Variants in DUS1L observed in about 807,000 individuals in gnomAD.
The protein encoded by DUS1L is dihydrouridine synthase 1 like, also known as tRNA-dihydrouridine(16/17) synthase [NAD(P)(+)]-like.
Under a neutral mutation model 61.2 loss-of-function variants are expected in DUS1L, and 56 were observed. The ratio of observed to expected loss-of-function variants is 0.92; its 90% CI spans 0.74 to 1.14. DUS1L has a LOEUF of 1.14. Ranked by LOEUF, DUS1L falls within the 50% of genes most tolerant of loss-of-function variation. The pLI, the probability that DUS1L is intolerant of heterozygous loss-of-function variation, is 0.00. For synonymous variants in DUS1L, 278 were observed against 259.5 expected (o/e 1.07, Z -0.69); for missense variants, 630 against 632.4 (o/e 1.00, Z 0.04).
At chr17:82,058,600 C>T (rs915627463) in intron 12 of DUS1L, 181 bp downstream of exon 12, 2 of 1,471,764 alleles carry the variant, frequency 1.4e-6, no homozygotes, top group South Asian at 2.7e-5. Flanking sequence ...CTCTTCCCCT[C>T]CAGGCCTGGG....
chr17:82,058,362 T>G lies in DUS1L; in HGVS notation c.1261A>C (p.Lys421Gln), dbSNP rs777832090. 1.3e-6 allele frequency: 2 copies of G among 1,493,310 alleles called. No individual in the cohort carries two copies. The highest frequency in any genetic ancestry group is 1.8e-6 in the Non-Finnish European group (2 of 1,119,036). The allele number at this position is 1,493,310 out of a possible 1,614,324, so 92.5% of individuals were successfully genotyped here. Reference protein sequence around the residue: ...CRGCCKKRASKETADCPGHGL... With the variant: ...CRGCCKKRASQETADCPGHGL... ...TCACCTGGGCAGTCTGCAGTCTCTT[T>G]GGAGGCTCGCTTCTTGCAGCAGCCG... The change falls in exon 13 of 14, where the codon AAA (lysine) becomes CAA (glutamine). Residue 421 changes from lysine to glutamine, a missense_variant. Lys to Gln is a moderately conservative substitution (Grantham distance 53). Transcript: ENST00000306796.
chr17:82,061,752 G>A (rs750877749), intron 6 of DUS1L, 31 bp from the exon 7 acceptor site: 80 of 1,609,108 alleles, frequency 5.0e-5, no homozygotes, highest in South Asian at 1.9e-4. Flanking sequence ...GTTTCCACCC[G>A]CCCGGAACAG....
intron 6 of DUS1L, 80 bp downstream of exon 6, chr17:82,061,821 G>A: frequency 6.3e-7 from 1 of 1,590,758 alleles, no homozygotes. Flanking sequence ...CGTCAGGCGT[G>A]CCGAGCACCC....
chr17:82,065,523 G>T (rs1006139631), intron 1 of DUS1L, 90 bp downstream of exon 1: 1 of 157,376 alleles, frequency 6.4e-6, no homozygotes, highest in African/African-American at 2.4e-5. Context: ...ACGCCACAGG[G>T]GCGCCCCTCG....
chr17:82,061,345 G>T lies in DUS1L; in HGVS notation c.706C>A (p.Leu236Met), dbSNP rs764653880. ...VQGVMSAEGN[L>M]HNPALFEGRS... ...CCCTCGAACAGGGCGGGGTTGTGCA[G>T]GTTGCCCTCTGTGGGAGGAGGAGCG... The change falls in exon 8 of 14, where the codon CTG (leucine) becomes ATG (methionine). Residue 236 changes from leucine (L) to methionine (M), a missense_variant. Leu to Met is a conservative substitution (Grantham distance 15). Coordinates refer to ENST00000306796, the MANE Select transcript of DUS1L (RefSeq NM_022156.5). The T allele has an allele frequency of 6.3e-7, 1 of 1,576,004 alleles. No homozygotes were observed. Among genetic ancestry groups the T allele is most frequent in the Non-Finnish European group, 8.6e-7 (1 of 1,158,608 alleles).
rs111771546 is a variant in DUS1L, at chr17:82,062,226, G to A, written c.511-243C>T. Among the ~76,000 whole-genome samples the A allele has an allele frequency of 1.9e-3, 285 of 152,326 alleles. 2 individuals are homozygous for A. The highest frequency in any genetic ancestry group is 6.5e-3 in the African/African-American group (270 of 41,568). On this transcript the variant is annotated intron_variant, in intron 5 of 13. Coordinates refer to ENST00000306796, the MANE Select transcript of DUS1L (RefSeq NM_022156.5). ...CCTCTGCACTCTGTGGGAACCTCAG[G>A]CTGCATGTGCTGCCCAGGCCCATGC...
At chr17:82,060,203 C>G in intron 10 of DUS1L, 110 bp from the exon 11 acceptor site, 1 of 1,410,120 alleles carries the variant, frequency 7.1e-7, no homozygotes, top group Non-Finnish European at 9.4e-7. Flanking sequence ...TGGCGAGTGC[C>G]GCTGCTGTGA....
chr17:82,063,960 A>G (rs1432885035), intron 3 of DUS1L, among the ~76,000 whole-genome samples, 166 bp downstream of exon 3: 1 of 152,194 alleles, frequency 6.6e-6, no homozygotes. Flanking sequence ...AGGCCTGAGG[A>G]CAGCCACCCT....
chr17:82,063,560 G>A, intron 3 of DUS1L, 42 bp from the exon 4 acceptor site: 1 of 1,612,068 alleles, frequency 6.2e-7, no homozygotes, highest in Non-Finnish European at 8.5e-7. Flanking sequence ...CTGTGTTAAG[G>A]CTGGTGGGGC....
At chr17:82,062,824 C>A (rs768468704) in intron 5 of DUS1L, 37 bp downstream of exon 5, 1 of 1,558,522 alleles carries the variant, frequency 6.4e-7, no homozygotes, top group South Asian at 1.1e-5. Context: ...AAAGGCCCAG[C>A]TGAGGCCCAT....
At chr17:82,058,884 C>T (rs920800306) in intron 11 of DUS1L, 66 bp from the exon 12 acceptor site, 47 of 1,435,718 alleles carry the variant, frequency 3.3e-5, no homozygotes, top group Non-Finnish European at 3.9e-5. Context: ...GGGGCTGCCC[C>T]GTCCGCCTGC....
At chr17:82,063,590 T>C in intron 3 of DUS1L, 72 bp from the exon 4 acceptor site, 1 of 1,595,928 alleles carries the variant, frequency 6.3e-7, no homozygotes, top group Non-Finnish European at 8.6e-7. Flanking sequence ...GCACCCCCTC[T>C]GCACCCTTTC....
At chr17:82,059,894 G>A (rs1049467699) in intron 11 of DUS1L, 54 bp downstream of exon 11, 16 of 1,608,302 alleles carry the variant, frequency 9.9e-6, no homozygotes, top group Non-Finnish European at 1.4e-5. Context: ...GCAACAGGGA[G>A]GATGGGGGTG....
chr17:82,060,151 C>G (rs1274626363), intron 10 of DUS1L, 58 bp from the exon 11 acceptor site: 3 of 1,576,874 alleles, frequency 1.9e-6, no homozygotes, highest in Non-Finnish European at 2.6e-6. Context: ...CCAGCAGCCA[C>G]AGCCACACGG....
intron 11 of DUS1L, chr17:82,059,120 GAGC>G: frequency 2.3e-6 from 1 of 430,276 alleles, no homozygotes; most frequent in South Asian, 3.1e-5. Context: ...GGGACAAGGG[GAGC>G]AGTTTTCCTG....
rs532211239 is a variant in DUS1L at position 82,059,947 on chromosome 17, C to G, written c.1168+1G>C. 3 of 1,613,930 alleles carry G rather than the reference C, an allele frequency of 1.9e-6. No homozygotes were observed. The highest frequency in any genetic ancestry group is 2.7e-5 in the African/African-American group (2 of 75,044). ...GGCCCATCAGCGGAAGCAGCACTTA[C>G]GCTTCAGAGAGGGGTCGAAGGTCTT... On this transcript the variant is annotated splice_donor_variant, in intron 11 of 13. Transcript: ENST00000306796. LOFTEE classifies it high-confidence loss of function.
chr17:82,057,933 C>T lies in DUS1L; in HGVS notation c.*182G>A. 1 of 623,650 alleles carries T rather than the reference C, an allele frequency of 1.6e-6. No individual in the cohort carries two copies. Among genetic ancestry groups the T allele is most frequent in the Non-Finnish European group, 2.5e-6 (1 of 396,596 alleles). 38.6% of individuals were successfully genotyped at this position (623,650 alleles called of 1,614,324 possible). On this transcript the variant is annotated 3_prime_UTR_variant, in exon 14 of 14. Coordinates refer to ENST00000306796, the MANE Select transcript of DUS1L (RefSeq NM_022156.5). ...TTGCACACGCGTGCTGAGGACAGGG[C>T]AGGTCCAGCCTGGGGCCTGCTCCCC...
intron 11 of DUS1L, 174 bp downstream of exon 11, chr17:82,059,774 C>T (rs2033373985): frequency 2.6e-5 from 22 of 845,558 alleles, no homozygotes; most frequent in Non-Finnish European, 4.0e-5. Flanking sequence ...TGCACAGGGT[C>T]CCCGTTCTGA....
At chr17:82,063,065 C>A (rs1016212100) in intron 4 of DUS1L, 92 bp from the exon 5 acceptor site, 37 of 1,160,494 alleles carry the variant, frequency 3.2e-5, no homozygotes, top group Middle Eastern at 3.9e-4. Context: ...GACAGCGGAG[C>A]CCAGGCAGCT....
Sources: allele counts gnomAD v4.1 joint callset (sites outside exome capture counted in the v4.1 genomes callset), GRCh38; gene constraint gnomAD v4.1.1; transcripts MANE v1.5; gene names NCBI Gene and HGNC (gene_info 2026-07-23, HGNC 2026-07-21).